VSTM4: variants seen among roughly 807,000 people sequenced by gnomAD.
The protein encoded by VSTM4 is V-set and transmembrane domain-containing protein 4.
Under a neutral mutation model 36.4 loss-of-function variants are expected in VSTM4, and 20 were observed. That is an observed-to-expected ratio of 0.55 (90% CI 0.39 to 0.80). The LOEUF (loss-of-function observed/expected upper bound fraction) is 0.80. Ranked by LOEUF, VSTM4 falls within the 30% of genes least tolerant of loss-of-function variation. VSTM4 has a pLI of 0.00. For missense variants in VSTM4, 392 were observed against 404.5 expected (o/e 0.97, Z 0.26); for synonymous variants, 182 against 173.9 (o/e 1.05, Z -0.37).
intron 5 of VSTM4, among the ~76,000 whole-genome samples, chr10:49,059,216 G>A (rs1349144015): frequency 6.6e-6 from 1 of 152,218 alleles, no homozygotes; most frequent in African/African-American, 2.4e-5. Flanking sequence ...GCCCTAGCAG[G>A]GTCCTGGGAT....
intron 7 of VSTM4, among the ~76,000 whole-genome samples, chr10:49,046,621 T>C (rs571538124): frequency 6.6e-6 from 1 of 152,332 alleles, no homozygotes; most frequent in South Asian, 2.1e-4. Context: ...TTGTTCAAAA[T>C]CAAAAGCTAT....
chr10:49,026,669 C>G (rs1471000045), intron 7 of VSTM4, among the ~76,000 whole-genome samples: 1 of 152,136 alleles, frequency 6.6e-6, no homozygotes, highest in African/African-American at 2.4e-5. Context: ...GGGCCCAGCT[C>G]ATGGTGGGAG....
At chr10:49,106,875 A>T (rs1191532685) in intron 2 of VSTM4, among the ~76,000 whole-genome samples, 1 of 152,232 alleles carries the variant, frequency 6.6e-6, no homozygotes, top group African/African-American at 2.4e-5. Context: ...TCAAGGCCAC[A>T]TGCCTATGCC....
At chr10:49,033,805 G>C (rs1843382766) in intron 7 of VSTM4, among the ~76,000 whole-genome samples, 1 of 152,180 alleles carries the variant, frequency 6.6e-6, no homozygotes. Flanking sequence ...AGTTAAAGGA[G>C]TGCTTCTCCT....
At chr10:49,088,648 T>C (rs1021719517) in intron 2 of VSTM4, among the ~76,000 whole-genome samples, 2 of 152,238 alleles carry the variant, frequency 1.3e-5, no homozygotes, top group African/African-American at 2.4e-5. Context: ...GATGGCACTC[T>C]GGGCCCCACA....
At chr10:49,104,764 G>A (rs1278792651) in intron 2 of VSTM4, among the ~76,000 whole-genome samples, 1 of 151,756 alleles carries the variant, frequency 6.6e-6, no homozygotes, top group Non-Finnish European at 1.5e-5. Flanking sequence ...GAGAGACACA[G>A]AGAGATAGAG....
At chr10:49,087,992 G>A (rs4600129) in intron 2 of VSTM4, among the ~76,000 whole-genome samples, 47,833 of 137,674 alleles carry the variant, frequency 0.35, 8,074 homozygotes, top group African/African-American at 0.49. Flanking sequence ...ATATATATGT[G>A]TATATACACA....
chr10:49,110,154 G>C (rs1844866651), intron 1 of VSTM4, among the ~76,000 whole-genome samples: 1 of 152,228 alleles, frequency 6.6e-6, no homozygotes, highest in Non-Finnish European at 1.5e-5. Flanking sequence ...GGCCAGGAGA[G>C]CTGAGGAAGG....
chr10:49,046,884 A>G lies in VSTM4; in HGVS notation c.837+99T>C, dbSNP rs1416863923. 4 of 1,248,998 alleles carry G rather than the reference A, an allele frequency of 3.2e-6. No individual in the cohort carries two copies. In the African/African-American group the frequency reaches 4.5e-5, roughly 14 times the overall value. 77.4% of individuals were successfully genotyped at this position (1,248,998 alleles called of 1,614,324 possible). ...TTTGTTTGGGGACAAAAGTTTCTAA[A>G]ACTTTCTGTATGTTTTGAGTTAATA... On this transcript the variant is annotated intron_variant, in intron 7 of 7. Coordinates refer to ENST00000332853, the MANE Select transcript of VSTM4 (RefSeq NM_001031746.5).
intron 7 of VSTM4, among the ~76,000 whole-genome samples, chr10:49,039,011 G>A (rs913105597): frequency 2.6e-5 from 4 of 152,196 alleles, no homozygotes; most frequent in Admixed American, 6.5e-5. Context: ...GGCGGACCAT[G>A]AGGGGGCATC....
rs761253049 is a variant in VSTM4 at position 49,048,487 on chromosome 10, G to T, written c.766C>A (p.Pro256Thr). Reference sequence around the variant, plus strand: ...CAGGCCAGCTCCTTACCTTTGGCAGGGACTGCGGGAGGAATGTCAGGCTTC... The same window carrying T: ...CAGGCCAGCTCCTTACCTTTGGCAGTGACTGCGGGAGGAATGTCAGGCTTC... ...KEKPDIPPAVPAKAPIAPTFH... is the reference protein window; with the variant it reads ...KEKPDIPPAVTAKAPIAPTFH... The change falls in exon 6 of 8, where the codon CCT (proline) becomes ACT (threonine). Residue 256 changes from proline to threonine, a missense_variant. Coordinates refer to ENST00000332853, the MANE Select transcript of VSTM4 (RefSeq NM_001031746.5). The T allele has an allele frequency of 6.3e-7, 1 of 1,589,724 alleles. No individual in the cohort carries two copies. The highest frequency in any genetic ancestry group is 2.3e-5 in the East Asian group (1 of 43,998).
intron 7 of VSTM4, among the ~76,000 whole-genome samples, chr10:49,027,135 C>T (rs892076361): frequency 6.6e-6 from 1 of 152,194 alleles, no homozygotes; most frequent in African/African-American, 2.4e-5. Context: ...TTTCCTCTGA[C>T]CCTGCACAGC....
At chr10:49,080,811 C>T (rs1399583223) in intron 3 of VSTM4, among the ~76,000 whole-genome samples, 1 of 152,192 alleles carries the variant, frequency 6.6e-6, no homozygotes, top group Non-Finnish European at 1.5e-5. Context: ...TGTCAGTAGG[C>T]TGGTGGGGGC....
intron 5 of VSTM4, among the ~76,000 whole-genome samples, chr10:49,061,169 G>C (rs1017707873): frequency 6.6e-6 from 1 of 152,118 alleles, no homozygotes; most frequent in African/African-American, 2.4e-5. Flanking sequence ...ACAAAAAACT[G>C]TTTCCACATT....
intron 2 of VSTM4, chr10:49,103,993 T>C (rs1028499477): frequency 4.2e-6 from 3 of 709,062 alleles, no homozygotes; most frequent in Non-Finnish European, 6.9e-6. Context: ...GAACTTCTCA[T>C]CCTTGTTGTT....
At chr10:49,091,764 A>C (rs113481865) in intron 2 of VSTM4, among the ~76,000 whole-genome samples, 7 of 152,140 alleles carry the variant, frequency 4.6e-5, no homozygotes, top group African/African-American at 1.7e-4. Flanking sequence ...TGATGGCCAA[A>C]AATTCCGAGA....
At chr10:49,081,291 C>T (rs981537358) in intron 3 of VSTM4, among the ~76,000 whole-genome samples, 8 of 152,172 alleles carry the variant, frequency 5.3e-5, no homozygotes, top group East Asian at 1.9e-4. Context: ...ACAGCACCTG[C>T]CTGGAAGGGA....
chr10:49,082,403 C>T (rs1479319265), intron 3 of VSTM4, among the ~76,000 whole-genome samples: 1 of 152,216 alleles, frequency 6.6e-6, no homozygotes, highest in African/African-American at 2.4e-5. Flanking sequence ...GTGGCTCATG[C>T]CTGTAATCCT....
chr10:49,020,753 G>GGAAGGAAGGAAGGAAGGAAGGA (rs1843170943), intron 7 of VSTM4, among the ~76,000 whole-genome samples: 1 of 77,062 alleles, frequency 1.3e-5, no homozygotes, highest in African/African-American at 4.3e-5. Context: ...GGAAGGAAGG[G>GGAAGGAAGGAAGGAAGGAAGGA]AGGGAGGGAG....
Sources: gnomAD v4.1 joint callset for allele counts (sites outside exome capture counted in the v4.1 genomes callset) on GRCh38, gnomAD v4.1.1 for gene constraint, MANE v1.5 for transcripts, NCBI Gene and HGNC (gene_info 2026-07-23, HGNC 2026-07-21) for gene names.